Variants in PPM1H observed in about 807,000 individuals in gnomAD.
PPM1H encodes protein phosphatase, Mg2+/Mn2+ dependent 1H, also known as protein phosphatase 1H.
A neutral mutation model predicts 54.9 loss-of-function variants in PPM1H; 27 were observed. The ratio of observed to expected loss-of-function variants is 0.49; its 90% CI spans 0.36 to 0.68. PPM1H has a LOEUF of 0.68. Among genes scored for constraint, PPM1H ranks in the 30% least tolerant of loss-of-function variants. The probability of loss-of-function intolerance (pLI) is 0.00; values close to 1 mark genes in which losing one functional copy is unlikely to be tolerated. For missense variants in PPM1H, 596 were observed against 667.8 expected (o/e 0.89, Z 1.19); for synonymous variants, 305 against 270.8 (o/e 1.13, Z -1.24).
At chr12:62,825,845 C>T (rs1179416533) in intron 2 of PPM1H, among the ~76,000 whole-genome samples, 2 of 151,398 alleles carry the variant, frequency 1.3e-5, no homozygotes, top group African/African-American at 4.9e-5. Context: ...AACAAACCTG[C>T]ATATTGTGCG....
At chr12:62,773,686 GC>G (rs1327516488) in intron 4 of PPM1H, among the ~76,000 whole-genome samples, 1 of 152,084 alleles carries the variant, frequency 6.6e-6, no homozygotes, top group Admixed American at 6.6e-5. Flanking sequence ...CATCCAAGTG[GC>G]AGACACTGTG....
intron 6 of PPM1H, among the ~76,000 whole-genome samples, chr12:62,703,759 C>T (rs2076157209): frequency 6.6e-6 from 1 of 152,174 alleles, no homozygotes; most frequent in Admixed American, 6.5e-5. Flanking sequence ...CCTCTCCCCA[C>T]ACCCACTCTC....
intron 4 of PPM1H, among the ~76,000 whole-genome samples, chr12:62,758,747 T>A (rs1279864578): frequency 2.6e-5 from 4 of 152,196 alleles, no homozygotes; most frequent in Non-Finnish European, 2.9e-5. Flanking sequence ...ATTTCTTTTC[T>A]CCATGAAATG....
At chr12:62,843,526 A>G (rs1392154276) in intron 1 of PPM1H, among the ~76,000 whole-genome samples, 14 of 152,202 alleles carry the variant, frequency 9.2e-5, no homozygotes, top group Admixed American at 8.5e-4. Context: ...TACATTATGT[A>G]TTGTGCTCAC....
intron 9 of PPM1H, among the ~76,000 whole-genome samples, chr12:62,658,212 T>TTTTTTTA (rs768288538): frequency 3.1e-5 from 4 of 130,538 alleles, no homozygotes; most frequent in Admixed American, 7.7e-5. Context: ...TTTTTTTTTT[T>TTTTTTTA]AAGTAAAAAA....
intron 1 of PPM1H, among the ~76,000 whole-genome samples, chr12:62,865,136 T>C (rs1869729412): frequency 6.6e-6 from 1 of 152,218 alleles, no homozygotes; most frequent in Non-Finnish European, 1.5e-5. Context: ...GTGAAGACTA[T>C]GTCTGTCACT....
intron 9 of PPM1H, among the ~76,000 whole-genome samples, chr12:62,656,429 TTC>T (rs1417267371): frequency 1.3e-5 from 2 of 152,174 alleles, no homozygotes; most frequent in African/African-American, 2.4e-5. Context: ...TTAAATGCCT[TTC>T]TCCTCCCCAG....
intron 1 of PPM1H, among the ~76,000 whole-genome samples, chr12:62,833,412 T>A (rs11174684): frequency 0.07 from 10,643 of 152,250 alleles, 498 homozygotes; most frequent in Middle Eastern, 0.15. Context: ...GCAAAAATAG[T>A]ACAGAGTCCC....
rs553870436 is a variant in PPM1H, at chr12:62,651,621, C to T, written c.1398-2985G>A. 3.9e-5 allele frequency among the ~76,000 whole-genome samples: 6 copies of T among 152,268 alleles called. No homozygotes were observed. In the South Asian group the frequency reaches 1.2e-3, roughly 32 times the overall value. ...TCTTCAATATGGTTATTTCCTATTC[C>T]AAGATAACTTCCTTTGAGATTGGTT... is the stretch of plus-strand genomic sequence containing the variant. On this transcript the variant is annotated intron_variant, in intron 9 of 9. Transcript: ENST00000228705.
intron 1 of PPM1H, among the ~76,000 whole-genome samples, chr12:62,856,522 G>A (rs1250577288): frequency 6.6e-6 from 1 of 152,006 alleles, no homozygotes; most frequent in African/African-American, 2.4e-5. Context: ...ACTTCATCTT[G>A]GTTAGATGCA....
intron 1 of PPM1H, among the ~76,000 whole-genome samples, chr12:62,895,839 G>A (rs1040250022): frequency 4.6e-5 from 7 of 152,124 alleles, no homozygotes; most frequent in African/African-American, 1.7e-4. Flanking sequence ...AGTGGAGCAG[G>A]TGCTGGAGCC....
At chr12:62,828,766 G>A (rs1270435679) in intron 2 of PPM1H, among the ~76,000 whole-genome samples, 1 of 152,102 alleles carries the variant, frequency 6.6e-6, no homozygotes, top group African/African-American at 2.4e-5. Flanking sequence ...CAACAGAACA[G>A]ACAACCCAAT....
At chr12:62,658,433 C>CT (rs2075860134) in intron 9 of PPM1H, among the ~76,000 whole-genome samples, 1 of 151,980 alleles carries the variant, frequency 6.6e-6, no homozygotes, top group African/African-American at 2.4e-5. Flanking sequence ...GTCTTCTTCT[C>CT]TGAGTGTTTA....
chr12:62,646,630 T>C lies in PPM1H; in HGVS notation c.*1859A>G, dbSNP rs2075786707. 6.6e-6 allele frequency: 1 copy of C among 152,240 alleles called. No individual in the cohort carries two copies. Among genetic ancestry groups the C allele is most frequent in the Non-Finnish European group, 1.5e-5 (1 of 68,056 alleles). The allele number at this position is 152,240 out of a possible 1,614,324, so 9.4% of individuals were successfully genotyped here. ...GATATCTGGGGTAGCTAAGATCTACTGCAGGAGGAAGAAACGTGCTGCAGA... is the reference window on the plus strand; with the variant it reads ...GATATCTGGGGTAGCTAAGATCTACCGCAGGAGGAAGAAACGTGCTGCAGA... On this transcript the variant is annotated 3_prime_UTR_variant, in exon 10 of 10. Coordinates refer to ENST00000228705, the MANE Select transcript of PPM1H (RefSeq NM_020700.2).
chr12:62,927,599 T>C (rs1191441567), intron 1 of PPM1H, among the ~76,000 whole-genome samples: 1 of 150,608 alleles, frequency 6.6e-6, no homozygotes, highest in East Asian at 2.0e-4. Flanking sequence ...GAGGCAGAGG[T>C]TGCAGTAAGC....
intron 6 of PPM1H, among the ~76,000 whole-genome samples, chr12:62,704,501 A>C (rs17733777): frequency 0.11 from 17,198 of 152,232 alleles, 1,152 homozygotes; most frequent in African/African-American, 0.18. Flanking sequence ...TCTCCAAACA[A>C]ATGCTACCTT....
At chr12:62,821,763 A>C (rs1248419573) in intron 2 of PPM1H, among the ~76,000 whole-genome samples, 3 of 152,244 alleles carry the variant, frequency 2.0e-5, no homozygotes, top group Non-Finnish European at 4.4e-5. Flanking sequence ...TGAAGGAAGC[A>C]CTAAACATGG....
At chr12:62,892,657 A>C (rs1012639952) in intron 1 of PPM1H, among the ~76,000 whole-genome samples, 2 of 152,206 alleles carry the variant, frequency 1.3e-5, no homozygotes, top group African/African-American at 4.8e-5. Context: ...GTGTTTACCA[A>C]CAGTATACAT....
intron 1 of PPM1H, among the ~76,000 whole-genome samples, chr12:62,894,730 C>T (rs939422746): frequency 6.6e-6 from 1 of 152,168 alleles, no homozygotes; most frequent in Non-Finnish European, 1.5e-5. Context: ...ATTTGAAAGG[C>T]TTATTCATAA....
Sources: allele counts gnomAD v4.1 joint callset (sites outside exome capture counted in the v4.1 genomes callset), GRCh38; gene constraint gnomAD v4.1.1; transcripts MANE v1.5; gene names NCBI Gene and HGNC (gene_info 2026-07-23, HGNC 2026-07-21).